Variants in RTN2 observed in about 807,000 individuals in gnomAD.
RTN2 encodes reticulon 2, also known as reticulon-2.
A neutral mutation model predicts 63.7 loss-of-function variants in RTN2; 36 were observed. The observed-to-expected ratio is 0.56, with a 90% CI of 0.43 to 0.75. RTN2 has a LOEUF of 0.75. Among genes scored for constraint, RTN2 ranks in the 30% least tolerant of loss-of-function variants. RTN2 has a pLI of 0.00. For synonymous variants in RTN2, 312 were observed against 313.0 expected (o/e 1.00, Z 0.03); for missense variants, 673 against 705.1 (o/e 0.95, Z 0.52).
intron 5 of RTN2, among the ~76,000 whole-genome samples, chr19:45,492,039 C>G (rs1968172319): frequency 6.6e-6 from 1 of 152,152 alleles, no homozygotes; most frequent in African/African-American, 2.4e-5. Flanking sequence ...GCATCCTGCC[C>G]TGCAGTGGGT....
rs563237381 is a variant in RTN2 at position 45,492,829 on chromosome 19, G to A, written c.1033+331C>T. On this transcript the variant is annotated intron_variant, in intron 5 of 10. Transcript: ENST00000245923. ...TGGGGGAGGGGCCAGGTCGCCTGAG[G>A]CGGGGGCTAAGTTTAGGCACGCTGG... 8.4e-4 allele frequency among the ~76,000 whole-genome samples: 128 copies of A among 152,298 alleles called. 1 individual carries two copies. Among genetic ancestry groups the A allele is most frequent in the African/African-American group, 3.0e-3 (124 of 41,588 alleles).
rs34799041 is a variant in RTN2, at chr19:45,487,032, C to CTTTTTTTTTTTTTTTTTTTTT, written c.1498-940_1498-920dup. On this transcript the variant is annotated intron_variant, in intron 9 of 10. Transcript: ENST00000245923. ...ACAAGCGTGAGCCACCATGCCCAGC[C>CTTTTTTTTTTTTTTTTTTTTT]TTTTTTTTTTTTTTTTTTTTTTTTT... is the stretch of plus-strand genomic sequence containing the variant. 7.7e-5 allele frequency among the ~76,000 whole-genome samples: 3 copies of CTTTTTTTTTTTTTTTTTTTTT among 39,180 alleles called. 1 individual carries two copies. The highest frequency in any genetic ancestry group is 8.5e-4 in the Admixed American group (2 of 2,366). 25.7% of individuals were successfully genotyped at this position (39,180 alleles called of 152,430 possible).
intron 5 of RTN2, among the ~76,000 whole-genome samples, chr19:45,490,232 CCT>C: frequency 6.6e-6 from 1 of 152,040 alleles, no homozygotes; most frequent in South Asian, 2.1e-4. Context: ...GAACTCCTGA[CCT>C]CGTGGTCCAC....
At position 45,489,492 on chromosome 19, in the gene RTN2, C is replaced by T; in HGVS notation, c.1095G>A (p.Met365Ile). 1.2e-6 allele frequency: 2 copies of T among 1,612,606 alleles called. No individual in the cohort carries two copies. Among genetic ancestry groups the T allele is most frequent in the Non-Finnish European group, 8.5e-7 (1 of 1,179,384 alleles). ...AGTGCAGGAGGCAGAGGAGGGAGAC[C>T]ATCAGGCCTGTGAAGACCACTCCTG... ...RTSGVVFTGL[M>I]VSLLCLLHFS... Residue 365 changes from methionine (M) to isoleucine (I), a missense_variant, in exon 6 of 11, where the codon ATG (methionine) becomes ATA (isoleucine). By Grantham distance (10) the Met-to-Ile change is conservative (BLOSUM62 1). Transcript: ENST00000245923.
At chr19:45,495,838 C>T (rs1181281321) in intron 1 of RTN2, among the ~76,000 whole-genome samples, 12 of 152,042 alleles carry the variant, frequency 7.9e-5, no homozygotes, top group Admixed American at 7.2e-4. Context: ...GAGGTAAGGG[C>T]GGTGGGGAGA....
intron 9 of RTN2, 132 bp from the exon 10 acceptor site, chr19:45,486,245 C>G: frequency 1.3e-5 from 9 of 719,894 alleles, no homozygotes; most frequent in Non-Finnish European, 2.2e-5. Context: ...ACCCCCGGCT[C>G]TAAACTTCAT....
At chr19:45,491,322 G>A (rs1042444706) in intron 5 of RTN2, among the ~76,000 whole-genome samples, 4 of 148,782 alleles carry the variant, frequency 2.7e-5, no homozygotes, top group Non-Finnish European at 5.9e-5. Flanking sequence ...CGGCCTCCTA[G>A]CAGCTGGGAC....
chr19:45,493,313 C>T lies in RTN2; in HGVS notation c.880G>A (p.Glu294Lys). 3.1e-6 allele frequency: 5 copies of T among 1,611,658 alleles called. No homozygotes were observed. Among genetic ancestry groups the T allele is most frequent in the Non-Finnish European group, 4.2e-6 (5 of 1,179,370 alleles). The change falls in exon 5 of 11, where the codon GAA (glutamate) becomes AAA (lysine). Residue 294 changes from glutamate (E) to lysine (K), a missense_variant. Glu to Lys is a moderately conservative substitution (Grantham distance 56). Transcript: ENST00000245923. ...LAVYKTVPIL[E>K]LSPPLWTAIG... ...GCTGTCCACAGAGGTGGGGACAATT[C>T]CAAAATTGGAACCGTCTTGTAAACA...
chr19:45,486,180 G>A (rs1171699778), intron 9 of RTN2, 67 bp from the exon 10 acceptor site: 1 of 1,428,456 alleles, frequency 7.0e-7, no homozygotes, highest in Non-Finnish European at 9.8e-7. Flanking sequence ...CACATAGGAG[G>A]CTGCTTCCTC....
Position 45,493,232 on chromosome 19 carries a change from G to A in RTN2, c.961C>T (p.Leu321=). Residue 321 remains leucine, a synonymous_variant, in exon 5 of 11, where the codon CTG becomes TTG. Transcript: ENST00000245923. The part of the protein sequence containing the change: ...TPPTPVLRVL[L]KWAKSPRSSG... ...CTTCTCGGGGATTTTGCCCACTTCA[G>A]TAGAACCCGGAGGACAGGAGTAGGG... is the stretch of plus-strand genomic sequence containing the variant. The A allele has an allele frequency of 6.2e-7, 1 of 1,613,878 alleles. No individual in the cohort carries two copies. Among genetic ancestry groups the A allele is most frequent in the South Asian group, 1.1e-5 (1 of 91,064 alleles).
chr19:45,495,031 T>C (rs1307707539), intron 2 of RTN2, 26 bp from the exon 3 acceptor site: 1 of 1,614,118 alleles, frequency 6.2e-7, no homozygotes, highest in Non-Finnish European at 8.5e-7. Flanking sequence ...GAGAGCCTTG[T>C]TTCCCTCAGC....
rs745342926 is a variant in RTN2 at position 45,494,747 on chromosome 19, G to A, written c.338C>T (p.Pro113Leu). 6.2e-7 allele frequency: 1 copy of A among 1,610,644 alleles called. No individual in the cohort carries two copies. The highest frequency in any genetic ancestry group is 8.5e-7 in the Non-Finnish European group (1 of 1,179,964). Reference protein sequence around the residue: ...PSLGDSLESIPSLSQSPEPGR... With the variant: ...PSLGDSLESILSLSQSPEPGR... ...AGGCTCCGGGGATTGGCTCAGGCTG[G>A]GGATGCTCTCCAAGCTGTCGCCCAG... The change falls in exon 3 of 11, where the codon CCC becomes CTC. Residue 113 changes from proline (P) to leucine (L), a missense_variant. Transcript: ENST00000245923. The surrounding 1 kb of genome is among the most constrained non-coding windows in gnomAD (Gnocchi z 5.3).
chr19:45,494,571 C>A lies in RTN2; in HGVS notation c.514G>T (p.Glu172Ter). The A allele has an allele frequency of 6.2e-7, 1 of 1,614,108 alleles. No individual in the cohort carries two copies. Among genetic ancestry groups the A allele is most frequent in the Non-Finnish European group, 8.5e-7 (1 of 1,180,028 alleles). Residue 172 changes from glutamate (E) to a stop codon, truncating the protein, a stop_gained, in exon 3 of 11, where the codon GAA becomes TAA. Transcript: ENST00000245923. LOFTEE classifies it high-confidence loss of function. The surrounding 1 kb of genome is among the most constrained non-coding windows in gnomAD (Gnocchi z 5.3). The part of the protein sequence containing the change: ...TSSSTPLEDE[E>*]PQEPNRLETG... ...TCCAATCTGTTGGGTTCTTGGGGTTCTTCGTCTTCCAGCGGGGTGGAGCTG... is the reference window on the plus strand; with the variant it reads ...TCCAATCTGTTGGGTTCTTGGGGTTATTCGTCTTCCAGCGGGGTGGAGCTG...
intron 1 of RTN2, 100 bp downstream of exon 1, chr19:45,496,692 C>A (rs1968278429): frequency 2.7e-6 from 2 of 752,660 alleles, no homozygotes; most frequent in Admixed American, 4.1e-5. Context: ...CCTCCTCCCC[C>A]CATCCCGGCT....
Position 45,485,621 on chromosome 19 carries a change from G to C in RTN2, c.*87C>G, listed in dbSNP as rs947758738. On this transcript the variant is annotated 3_prime_UTR_variant, in exon 11 of 11. Transcript: ENST00000245923. ...CGGGAAAAGGCTCGGGCCGAGGAGG[G>C]GGGTGGGTGGGAACGGACAAGAGAT... The C allele has an allele frequency of 5.3e-5, 57 of 1,073,108 alleles. No homozygotes were observed. The highest frequency in any genetic ancestry group is 7.4e-5 in the Non-Finnish European group (52 of 704,046). 66.5% of individuals were successfully genotyped at this position (1,073,108 alleles called of 1,614,324 possible).
At chr19:45,495,199 G>T (rs1484653861) in intron 1 of RTN2, 60 bp from the exon 2 acceptor site, 4 of 1,580,408 alleles carry the variant, frequency 2.5e-6, no homozygotes, top group Non-Finnish European at 2.6e-6. Flanking sequence ...TCACAGAAGT[G>T]TCCCAGTCCT....
Position 45,494,976 on chromosome 19 carries a change from G to A in RTN2, c.109C>T (p.Leu37=), listed in dbSNP as rs1206157418. The A allele has an allele frequency of 6.2e-7, 1 of 1,613,492 alleles. No homozygotes were observed. The change falls in exon 3 of 11, where the codon CTG becomes TTG. Residue 37 remains leucine (L), a synonymous_variant. Transcript: ENST00000245923. The surrounding 1 kb of genome is among the most constrained non-coding windows in gnomAD (Gnocchi z 5.3). ...GGNDDSDFRE[L]HTAREFSEED... ...TCTGAGAATTCCCGGGCTGTGTGCA[G>A]CTCTCGAAAATCAGAGTCGTCGTTC... is the stretch of plus-strand genomic sequence containing the variant.
intron 5 of RTN2, among the ~76,000 whole-genome samples, chr19:45,490,574 G>T (rs373977896): frequency 8.6e-6 from 1 of 116,134 alleles, no homozygotes; most frequent in Admixed American, 9.6e-5. Context: ...TGTGTGTTTT[G>T]TTTTTGTTTT....
chr19:45,495,144 G>A lies in RTN2; in HGVS notation c.35-5C>T, dbSNP rs757800024. On this transcript the variant is annotated splice_region_variant and splice_polypyrimidine_tract_variant and intron_variant, in intron 1 of 10. Coordinates refer to ENST00000245923, the MANE Select transcript of RTN2 (RefSeq NM_005619.5). ...AGGCTGTAGACGGAGCTTCTTCTGC[G>A]AGAGGGAAAGAATCGAAGACTCTTA... The A allele has an allele frequency of 3.1e-6, 5 of 1,613,874 alleles. No individual in the cohort carries two copies. The highest frequency in any genetic ancestry group is 1.7e-5 in the Admixed American group (1 of 59,996).
Sources: allele counts gnomAD v4.1 joint callset (sites outside exome capture counted in the v4.1 genomes callset), GRCh38; gene constraint gnomAD v4.1.1; non-coding constraint Gnocchi (gnomAD v3.1); transcripts MANE v1.5; gene names NCBI Gene and HGNC (gene_info 2026-07-23, HGNC 2026-07-21).